KAZN: variants seen among roughly 807,000 people sequenced by gnomAD.
The protein encoded by KAZN is kazrin, periplakin interacting protein.
KAZN carries 40 observed loss-of-function variants against 87.4 expected under a neutral mutation model. That is an observed-to-expected ratio of 0.46 (90% CI 0.36 to 0.60). The LOEUF is 0.60. Among genes scored for constraint, KAZN ranks in the 20% least tolerant of loss-of-function variants. KAZN has a pLI of 0.00. For synonymous variants in KAZN, 466 were observed against 458.3 expected (o/e 1.02, Z -0.22); for missense variants, 898 against 1,073.9 (o/e 0.84, Z 2.29).
intron 2 of KAZN, among the ~76,000 whole-genome samples, chr1:14,290,428 A>G (rs960714229): frequency 1.3e-5 from 2 of 151,820 alleles, no homozygotes; most frequent in Non-Finnish European, 2.9e-5. Context: ...CATTAATTTC[A>G]TCTTCCATCA....
chr1:14,532,249 C>A (rs143807659), intron 2 of KAZN, among the ~76,000 whole-genome samples: 45 of 152,210 alleles, frequency 3.0e-4, no homozygotes, highest in Non-Finnish European at 5.9e-4. Context: ...CCCTCCAAAG[C>A]CCAGAGTCCA....
At chr1:14,874,856 A>G (rs1464397112) in intron 1 of KAZN, among the ~76,000 whole-genome samples, 1 of 152,164 alleles carries the variant, frequency 6.6e-6, no homozygotes, top group Non-Finnish European at 1.5e-5. Flanking sequence ...TGAGAGGAAA[A>G]AAAACTAACT....
chr1:14,475,250 C>A (rs376149095), intron 2 of KAZN, among the ~76,000 whole-genome samples: 6 of 152,216 alleles, frequency 3.9e-5, no homozygotes, highest in African/African-American at 1.4e-4. Flanking sequence ...GGCTCCAGAC[C>A]AATCTCCTTT....
chr1:14,774,449 T>C (rs1437658488), intron 1 of KAZN, among the ~76,000 whole-genome samples: 1 of 151,398 alleles, frequency 6.6e-6, no homozygotes, highest in Non-Finnish European at 1.5e-5. Flanking sequence ...ATGCCTACCT[T>C]TTCTTGGTTC....
chr1:14,687,332 A>T (rs578202570), intron 1 of KAZN, among the ~76,000 whole-genome samples: 2 of 152,300 alleles, frequency 1.3e-5, no homozygotes, highest in South Asian at 4.1e-4. Flanking sequence ...GAACAGAGAG[A>T]TGACGTCAAC....
intron 2 of KAZN, among the ~76,000 whole-genome samples, chr1:14,314,021 T>G (rs1373953595): frequency 6.6e-6 from 1 of 152,124 alleles, no homozygotes; most frequent in African/African-American, 2.4e-5. Flanking sequence ...GGCTGGGAAG[T>G]TAGTCCCAGA....
intron 2 of KAZN, among the ~76,000 whole-genome samples, chr1:14,999,966 C>T (rs1216586228): frequency 6.6e-6 from 1 of 152,098 alleles, no homozygotes; most frequent in Non-Finnish European, 1.5e-5. Context: ...ATGCCCGCCC[C>T]CCAAGATGTC....
chr1:14,219,146 G>GGTC (rs2100490607), intron 2 of KAZN, among the ~76,000 whole-genome samples: 1 of 152,236 alleles, frequency 6.6e-6, no homozygotes, highest in African/African-American at 2.4e-5. Context: ...AGGGTAACCT[G>GGTC]TAGACTAATA....
intron 1 of KAZN, among the ~76,000 whole-genome samples, chr1:14,068,062 T>C (rs991345819): frequency 2.0e-5 from 3 of 152,172 alleles, no homozygotes; most frequent in African/African-American, 7.2e-5. Context: ...CTCCTGGATT[T>C]AGGGGTAGGT....
At chr1:14,523,844 G>A (rs1671711752) in intron 2 of KAZN, among the ~76,000 whole-genome samples, 1 of 152,226 alleles carries the variant, frequency 6.6e-6, no homozygotes, top group Non-Finnish European at 1.5e-5. Flanking sequence ...ATGATGTTGA[G>A]GAAGGGGCTC....
chr1:14,341,760 G>C (rs2993796), intron 2 of KAZN, among the ~76,000 whole-genome samples: 51,732 of 151,974 alleles, frequency 0.34, 9,575 homozygotes, highest in African/African-American at 0.48. Flanking sequence ...GCCTCAGTCT[G>C]CTTAATACTC....
chr1:14,098,971 A>T (rs937704758), intron 1 of KAZN, among the ~76,000 whole-genome samples: 9 of 152,052 alleles, frequency 5.9e-5, no homozygotes, highest in African/African-American at 2.2e-4. Context: ...TAGGGCTTTT[A>T]CCATCTTCTC....
At chr1:14,652,896 AGG>A (rs1638542820) in intron 1 of KAZN, among the ~76,000 whole-genome samples, 1 of 148,306 alleles carries the variant, frequency 6.7e-6, no homozygotes, top group Admixed American at 6.7e-5. Context: ...GCTGGGAGAG[AGG>A]GGGGTGCCAC....
At chr1:14,071,334 G>T (rs1238499853) in intron 1 of KAZN, among the ~76,000 whole-genome samples, 8 of 152,116 alleles carry the variant, frequency 5.3e-5, no homozygotes, top group Non-Finnish European at 1.0e-4. Context: ...GCTGGAGTCT[G>T]GGGGGACTGT....
chr1:14,548,599 A>G (rs964226201), intron 2 of KAZN, among the ~76,000 whole-genome samples: 7 of 152,208 alleles, frequency 4.6e-5, no homozygotes, highest in African/African-American at 1.7e-4. Flanking sequence ...ATAATATTGT[A>G]TGTTTCCTTC....
intron 1 of KAZN, among the ~76,000 whole-genome samples, chr1:14,173,106 G>A (rs1402207147): frequency 2.0e-5 from 3 of 152,072 alleles, no homozygotes; most frequent in Admixed American, 1.3e-4. Flanking sequence ...CACGAGGAGG[G>A]GATTCTGACC....
chr1:13,899,679 T>C (rs1038291666), intron 1 of KAZN, among the ~76,000 whole-genome samples: 1 of 148,120 alleles, frequency 6.8e-6, no homozygotes, highest in Admixed American at 6.8e-5. Flanking sequence ...AGTCTCGCAC[T>C]GTCGCCCAGG....
chr1:14,184,456 G>A lies in KAZN; in HGVS notation c.249+3864G>A, dbSNP rs1001939847. Among the ~76,000 whole-genome samples, 1 of 151,858 alleles carries A rather than the reference G, an allele frequency of 6.6e-6. No homozygotes were observed. The highest frequency in any genetic ancestry group is 6.6e-5 in the Admixed American group (1 of 15,246). ...GTCTTTCTTTCTGTTATTTGTGTTC[G>A]GGGAACTGGAAAGCACATTTGCCAA... is the stretch of plus-strand genomic sequence containing the variant. On this transcript the variant is annotated intron_variant, in intron 2 of 16. Coordinates refer to the KAZN transcript ENST00000636203. The surrounding 1 kb of genome is among the most constrained non-coding windows in gnomAD (Gnocchi z 4.2).
intron 2 of KAZN, among the ~76,000 whole-genome samples, chr1:14,250,364 T>A (rs962347065): frequency 1.3e-5 from 2 of 151,948 alleles, no homozygotes; most frequent in African/African-American, 4.8e-5. Context: ...AATCTCACCA[T>A]CAACTTCGGG....
Sources: gnomAD v4.1 joint callset for allele counts (sites outside exome capture counted in the v4.1 genomes callset) on GRCh38, gnomAD v4.1.1 for gene constraint, Gnocchi (gnomAD v3.1) non-coding constraint, MANE v1.5 for transcripts, NCBI Gene and HGNC (gene_info 2026-07-23, HGNC 2026-07-21) for gene names.